The following SLC26A4 variants were observed in gnomAD, a reference collection of about 807,000 sequenced individuals.
The protein encoded by SLC26A4 is pendrin.
In SLC26A4, 93 loss-of-function variants were observed where a neutral mutation model predicts 90.4. That is an observed-to-expected ratio of 1.03 (90% CI 0.87 to 1.22). The LOEUF is 1.22. SLC26A4 is among the 50% of genes most tolerant of loss of function. The probability of loss-of-function intolerance (pLI) is 0.00; values close to 1 mark genes in which losing one functional copy is unlikely to be tolerated. For synonymous variants in SLC26A4, 393 were observed against 354.6 expected (o/e 1.11, Z -1.22); for missense variants, 1,127 against 946.2 (o/e 1.19, Z -2.51).
intron 8 of SLC26A4, among the ~76,000 whole-genome samples, chr7:107,686,599 T>C (rs150034364): frequency 0.026 from 3,921 of 152,060 alleles, 165 homozygotes; most frequent in African/African-American, 0.089. Context: ...GCAATTCTCC[T>C]GCCTCAGCCT....
In SLC26A4 at chr7:107,700,188, T is replaced by A. The variant is rs568373240; in HGVS notation, c.1707+13T>A. The A allele has an allele frequency of 7.3e-7, 1 of 1,368,984 alleles. No homozygotes were observed. The highest frequency in any genetic ancestry group is 1.0e-6 in the Non-Finnish European group (1 of 956,696). 84.8% of individuals were successfully genotyped at this position (1,368,984 alleles called of 1,614,324 possible). On this transcript the variant is annotated intron_variant, in intron 15 of 20. Transcript: ENST00000644269. ...TATCAAGTCCACAGTAAGTATTTTA[T>A]CCCTAGAAATTTGTTTTCTAACCTC...
At chr7:107,702,538 A>C (rs1173561231) in intron 17 of SLC26A4, among the ~76,000 whole-genome samples, 5 of 151,840 alleles carry the variant, frequency 3.3e-5, no homozygotes, top group Non-Finnish European at 5.9e-5. Flanking sequence ...AAAAATACAA[A>C]AATTAGCTGG....
At chr7:107,682,627 T>C (rs569178010) in intron 6 of SLC26A4, among the ~76,000 whole-genome samples, 1 of 151,928 alleles carries the variant, frequency 6.6e-6, no homozygotes, top group East Asian at 1.9e-4. Context: ...TACTGGCTAA[T>C]TGTGCCCCAA....
intron 20 of SLC26A4, among the ~76,000 whole-genome samples, chr7:107,715,210 G>C (rs775892544): frequency 2.6e-5 from 4 of 151,298 alleles, no homozygotes; most frequent in Admixed American, 6.6e-5. Context: ...ACTCCAGCCT[G>C]GGCAACAGTG....
At chr7:107,693,150 A>AGGAAG in intron 10 of SLC26A4, 1 of 226,736 alleles carries the variant, frequency 4.4e-6, no homozygotes, top group East Asian at 1.8e-4. Flanking sequence ...GACAAGGGAG[A>AGGAAG]GGAAGGGAAG....
chr7:107,683,400 A>G, intron 7 of SLC26A4, 46 bp downstream of exon 7: 1 of 1,611,130 alleles, frequency 6.2e-7, no homozygotes, highest in Non-Finnish European at 8.5e-7. Context: ...TTTGGTTGAC[A>G]AACAAGGAAT....
intron 10 of SLC26A4, among the ~76,000 whole-genome samples, chr7:107,691,582 C>T (rs1183970877): frequency 6.8e-6 from 1 of 146,698 alleles, no homozygotes; most frequent in South Asian, 2.2e-4. Flanking sequence ...TATATATATA[C>T]GAGAATAACT....
chr7:107,683,569 A>G lies in SLC26A4; in HGVS notation c.1001+32A>G, dbSNP rs755252312. ...GTGGTGTTCCTCTTAGTACTAATAC[A>G]TTAAGTCAGTAAGTCAGTCTTTTTT... is the stretch of plus-strand genomic sequence containing the variant. On this transcript the variant is annotated intron_variant, in intron 8 of 20. Transcript: ENST00000644269. 17 of 1,521,690 alleles carry G rather than the reference A, an allele frequency of 1.1e-5. No individual in the cohort carries two copies. In the East Asian group the frequency reaches 2.7e-4, roughly 24 times the overall value. The allele number at this position is 1,521,690 out of a possible 1,614,324, so 94.3% of individuals were successfully genotyped here. A position where few individuals can be genotyped will look rare whatever the true frequency, so the allele number is the denominator to read the frequency against.
At chr7:107,686,916 G>C (rs1292373962) in intron 8 of SLC26A4, among the ~76,000 whole-genome samples, 2 of 152,206 alleles carry the variant, frequency 1.3e-5, no homozygotes, top group Non-Finnish European at 2.9e-5. Flanking sequence ...AGTTGTACTT[G>C]AAAGTGTGGC....
intron 18 of SLC26A4, among the ~76,000 whole-genome samples, chr7:107,705,331 G>C (rs1261124312): frequency 6.6e-6 from 1 of 152,142 alleles, no homozygotes; most frequent in East Asian, 1.9e-4. Flanking sequence ...GTTTCAGAGA[G>C]AGACCATTCG....
intron 6 of SLC26A4, among the ~76,000 whole-genome samples, chr7:107,679,869 C>CTTATATTATATAATCTTA (rs1791137151): frequency 1.5e-5 from 2 of 129,448 alleles, no homozygotes; most frequent in South Asian, 2.2e-4. Context: ...ATTATATAAT[C>CTTATATTATATAATCTTA]TTATATTATA....
At chr7:107,684,085 C>T (rs1791329903) in intron 8 of SLC26A4, among the ~76,000 whole-genome samples, 1 of 152,106 alleles carries the variant, frequency 6.6e-6, no homozygotes, top group Admixed American at 6.5e-5. Context: ...AGTTTTGTGA[C>T]CTGAGGAGAT....
intron 4 of SLC26A4, among the ~76,000 whole-genome samples, chr7:107,673,538 C>A (rs753073444): frequency 2.1e-4 from 32 of 151,998 alleles, no homozygotes; most frequent in Non-Finnish European, 3.5e-4. Context: ...GCTACCTTTG[C>A]CAGAAAACCT....
At chr7:107,670,468 A>C (rs888088642) in intron 3 of SLC26A4, among the ~76,000 whole-genome samples, 80 of 152,094 alleles carry the variant, frequency 5.3e-4, no homozygotes, top group Non-Finnish European at 1.1e-3. Flanking sequence ...TTTTTTACAA[A>C]AGAGGAAGCA....
At position 107,715,647 on chromosome 7, in the gene SLC26A4, C is replaced by T. The variant is rs761988423; in HGVS notation, c.*201C>T. 7.9e-5 allele frequency: 48 copies of T among 608,600 alleles called. No homozygotes were observed. The highest frequency in any genetic ancestry group is 2.7e-4 in the Admixed American group (10 of 36,378). 37.7% of individuals were successfully genotyped at this position (608,600 alleles called of 1,614,324 possible). ...GGCAAAATGGCTAGAATTATTCAGACGATTTGGCAGCGTCCAGGGTAAGCT... is the reference window on the plus strand; with the variant it reads ...GGCAAAATGGCTAGAATTATTCAGATGATTTGGCAGCGTCCAGGGTAAGCT... On this transcript the variant is annotated 3_prime_UTR_variant, in exon 21 of 21. Transcript: ENST00000644269.
intron 3 of SLC26A4, among the ~76,000 whole-genome samples, chr7:107,666,586 T>C (rs1438880395): frequency 1.3e-5 from 2 of 151,876 alleles, no homozygotes; most frequent in Non-Finnish European, 2.9e-5. Context: ...TGAAATTTAG[T>C]AAAAGACAAG....
chr7:107,700,089 GA>G lies in SLC26A4; in HGVS notation c.1623del (p.Glu541AspfsTer5), dbSNP rs1791844338. ...KSTKNYKNIE[E>X]PQGVKILRFS... is the part of the protein sequence containing the mutation. ...CAATTTCTTTTAATGCCAGATTGAA[GA>G]ACCTCAAGGAGTGAAGATTCTTAGA... On this transcript the variant is annotated frameshift_variant, in exon 15 of 21. Coordinates refer to ENST00000644269, the MANE Select transcript of SLC26A4 (RefSeq NM_000441.2). LOFTEE classifies it high-confidence loss of function. 1 of 1,541,120 alleles carries G rather than the reference GA, an allele frequency of 6.5e-7. No individual in the cohort carries two copies. Among genetic ancestry groups the G allele is most frequent in the African/African-American group, 1.4e-5 (1 of 73,478 alleles).
chr7:107,675,734 C>T (rs1791008275), intron 6 of SLC26A4, among the ~76,000 whole-genome samples: 2 of 151,954 alleles, frequency 1.3e-5, no homozygotes, highest in African/African-American at 4.8e-5. Context: ...CCACCACACC[C>T]AGCTAATTTT....
chr7:107,661,548 G>A lies in SLC26A4; in HGVS notation c.-3-91G>A. On this transcript the variant is annotated intron_variant, in intron 1 of 20. Transcript: ENST00000644269. The surrounding 1 kb of genome is among the most constrained non-coding windows in gnomAD (Gnocchi z 5.1). ...CAGGGGGGCCTGGCTGCAGCTAACAGGTGATCCCGTTCTTTCTGTTCCTCG... is the reference window on the plus strand; with the variant it reads ...CAGGGGGGCCTGGCTGCAGCTAACAAGTGATCCCGTTCTTTCTGTTCCTCG... The A allele has an allele frequency of 7.3e-7, 1 of 1,376,172 alleles. No individual in the cohort carries two copies. The highest frequency in any genetic ancestry group is 1.4e-5 in the African/African-American group (1 of 70,054). The allele number at this position is 1,376,172 out of a possible 1,614,324, so 85.2% of individuals were successfully genotyped here.
Sources: allele counts gnomAD v4.1 joint callset (sites outside exome capture counted in the v4.1 genomes callset), GRCh38; gene constraint gnomAD v4.1.1; non-coding constraint Gnocchi (gnomAD v3.1); transcripts MANE v1.5; gene names NCBI Gene and HGNC (gene_info 2026-07-23, HGNC 2026-07-21).